RAP1A: variants seen among roughly 807,000 people sequenced by gnomAD.
RAP1A encodes the protein ras-related protein Rap-1A.
In RAP1A, 6 loss-of-function variants were observed where a neutral mutation model predicts 26.4. The ratio of observed to expected loss-of-function variants is 0.23; its 90% CI spans 0.12 to 0.45. RAP1A has a LOEUF of 0.45. Ranked by LOEUF, RAP1A falls within the 20% of genes least tolerant of loss-of-function variation. The pLI is 0.99. For synonymous variants in RAP1A, 73 were observed against 79.4 expected (o/e 0.92, Z 0.43); for missense variants, 121 against 217.2 (o/e 0.56, Z 2.78).
At chr1:111,701,037 T>C (rs1462697288) in intron 4 of RAP1A, among the ~76,000 whole-genome samples, 1 of 152,176 alleles carries the variant, frequency 6.6e-6, no homozygotes, top group African/African-American at 2.4e-5. Flanking sequence ...ACAGTAACCA[T>C]CATAATTCCA....
Position 111,714,629 on chromosome 1 carries a change from T to A in RAP1A, c.*2228T>A, listed in dbSNP as rs1662480611. 6.6e-6 allele frequency: 1 copy of A among 152,160 alleles called. No homozygotes were observed. The highest frequency in any genetic ancestry group is 1.5e-5 in the Non-Finnish European group (1 of 68,040). The allele number at this position is 152,160 out of a possible 1,614,324, so 9.4% of individuals were successfully genotyped here. Reference sequence around the variant, plus strand: ...AGAAAAACGCCTTTCTGGCACACAGTGATATGCAGAGCAGGACCAGCTGAA... The same window carrying A: ...AGAAAAACGCCTTTCTGGCACACAGAGATATGCAGAGCAGGACCAGCTGAA... On this transcript the variant is annotated 3_prime_UTR_variant, in exon 8 of 8. Transcript: ENST00000369709.
rs973345887 is a variant in RAP1A, at chr1:111,713,398, T to C, written c.*997T>C. ...GTATCTTATTGAATATCCCACTGTATATTATTTTTATATGTAAAAAGATAA... is the reference window on the plus strand; with the variant it reads ...GTATCTTATTGAATATCCCACTGTACATTATTTTTATATGTAAAAAGATAA... On this transcript the variant is annotated 3_prime_UTR_variant, in exon 8 of 8. Transcript: ENST00000369709. 1 of 152,208 alleles carries C rather than the reference T, an allele frequency of 6.6e-6. No individual in the cohort carries two copies. The highest frequency in any genetic ancestry group is 2.4e-5 in the African/African-American group (1 of 41,464). 9.4% of individuals were successfully genotyped at this position (152,208 alleles called of 1,614,324 possible). A position where few individuals can be genotyped will look rare whatever the true frequency, so the allele number is the denominator to read the frequency against.
At chr1:111,707,792 G>C (rs569718734) in intron 6 of RAP1A, among the ~76,000 whole-genome samples, 1 of 152,160 alleles carries the variant, frequency 6.6e-6, no homozygotes, top group African/African-American at 2.4e-5. Context: ...AATTAAAATA[G>C]TCTGCTTTTA....
chr1:111,695,124 G>A (rs1661786717), intron 2 of RAP1A, among the ~76,000 whole-genome samples: 1 of 152,042 alleles, frequency 6.6e-6, no homozygotes, highest in African/African-American at 2.4e-5. Flanking sequence ...TATCAGTATT[G>A]ATGACAGTTT....
At chr1:111,634,017 G>A (rs1380729218) in intron 1 of RAP1A, among the ~76,000 whole-genome samples, 1 of 152,158 alleles carries the variant, frequency 6.6e-6, no homozygotes, top group Non-Finnish European at 1.5e-5. Flanking sequence ...TTAACTTCTA[G>A]TGTTCTGGGC....
At chr1:111,674,653 A>G (rs371558767) in intron 1 of RAP1A, among the ~76,000 whole-genome samples, 5 of 152,194 alleles carry the variant, frequency 3.3e-5, no homozygotes, top group Admixed American at 1.3e-4. Flanking sequence ...CTCCTTTTGT[A>G]TTTCCTGTCT....
chr1:111,639,658 T>C (rs1260214914), intron 1 of RAP1A, among the ~76,000 whole-genome samples: 1 of 151,754 alleles, frequency 6.6e-6, no homozygotes, highest in East Asian at 1.9e-4. Flanking sequence ...TAATGAAAAA[T>C]CTCTCATGAG....
rs1662480968 is a variant in RAP1A at position 111,714,638 on chromosome 1, G to A, written c.*2237G>A. ...CCTTTCTGGCACACAGTGATATGCA[G>A]AGCAGGACCAGCTGAAGTCAGATGT... On this transcript the variant is annotated 3_prime_UTR_variant, in exon 8 of 8. Transcript: ENST00000369709. 1 of 152,218 alleles carries A rather than the reference G, an allele frequency of 6.6e-6. No homozygotes were observed. The highest frequency in any genetic ancestry group is 2.4e-5 in the African/African-American group (1 of 41,464). 9.4% of individuals were successfully genotyped at this position (152,218 alleles called of 1,614,324 possible).
intron 1 of RAP1A, among the ~76,000 whole-genome samples, chr1:111,551,776 G>A (rs1657271245): frequency 3.0e-5 from 2 of 65,610 alleles, no homozygotes; most frequent in South Asian, 5.2e-4. Context: ...GTTTTTTTGA[G>A]ATGGAGTCTT....
intron 1 of RAP1A, among the ~76,000 whole-genome samples, chr1:111,651,617 C>T (rs1362564704): frequency 1.3e-5 from 2 of 151,838 alleles, no homozygotes; most frequent in African/African-American, 4.8e-5. Flanking sequence ...GCTGGGATTA[C>T]AGGCATGTGC....
chr1:111,618,394 C>T (rs1160500823), upstream of RAP1A, among the ~76,000 whole-genome samples: 3 of 152,158 alleles, frequency 2.0e-5, no homozygotes, highest in Non-Finnish European at 4.4e-5. Flanking sequence ...TGTTTTCCAA[C>T]GCTTCACCTT....
intron 1 of RAP1A, among the ~76,000 whole-genome samples, chr1:111,664,333 A>G (rs1018495109): frequency 3.5e-5 from 5 of 143,042 alleles, no homozygotes; most frequent in Non-Finnish European, 7.6e-5. Context: ...GAGATTGCGC[A>G]ACTGCACTAC....
At chr1:111,695,164 T>G (rs1028251117) in intron 2 of RAP1A, among the ~76,000 whole-genome samples, 177 bp from the exon 3 acceptor site, 1 of 151,356 alleles carries the variant, frequency 6.6e-6, no homozygotes, top group Non-Finnish European at 1.5e-5. Context: ...TCATAATAAA[T>G]GTACTCTTAG....
chr1:111,586,689 A>G (rs1658370862), intron 1 of RAP1A, among the ~76,000 whole-genome samples: 1 of 152,244 alleles, frequency 6.6e-6, no homozygotes, highest in Non-Finnish European at 1.5e-5. Flanking sequence ...AGTGGCATAT[A>G]GCAAGCGTTC....
At chr1:111,610,683 C>T (rs1011596106) in intron 1 of RAP1A, among the ~76,000 whole-genome samples, 2 of 152,100 alleles carry the variant, frequency 1.3e-5, no homozygotes, top group Admixed American at 6.6e-5. Context: ...CAAAAGCAGA[C>T]GTGGACAGAG....
At chr1:111,573,555 G>A (rs147496160) in intron 1 of RAP1A, among the ~76,000 whole-genome samples, 1 of 152,060 alleles carries the variant, frequency 6.6e-6, no homozygotes, top group Non-Finnish European at 1.5e-5. Flanking sequence ...GGCTGGTCTC[G>A]AACTCCTGAC....
chr1:111,702,926 A>G (rs1662068187), intron 4 of RAP1A, among the ~76,000 whole-genome samples: 1 of 152,194 alleles, frequency 6.6e-6, no homozygotes, highest in South Asian at 2.1e-4. Flanking sequence ...TGCCATGGGA[A>G]TAGAAAAAGA....
At chr1:111,607,494 G>C (rs1658810483) in intron 1 of RAP1A, among the ~76,000 whole-genome samples, 1 of 152,188 alleles carries the variant, frequency 6.6e-6, no homozygotes, top group Non-Finnish European at 1.5e-5. Flanking sequence ...AACCGCCATT[G>C]TCATCATGGC....
At chr1:111,592,274 C>T (rs1658485405) in intron 1 of RAP1A, among the ~76,000 whole-genome samples, 1 of 152,162 alleles carries the variant, frequency 6.6e-6, no homozygotes, top group Admixed American at 6.5e-5. Context: ...AAATTAATTT[C>T]TAAACAATAA....
Sources: gnomAD v4.1 joint callset for allele counts (sites outside exome capture counted in the v4.1 genomes callset) on GRCh38, gnomAD v4.1.1 for gene constraint, MANE v1.5 for transcripts, NCBI Gene and HGNC (gene_info 2026-07-23, HGNC 2026-07-21) for gene names.